Variants in GNG2 observed in about 807,000 individuals in gnomAD.
The protein encoded by GNG2 is G protein subunit gamma 2.
Under a neutral mutation model 5.5 loss-of-function variants are expected in GNG2, and 5 were observed. That is an observed-to-expected ratio of 0.91 (90% CI 0.48 to 1.92). GNG2 has a LOEUF of 1.92. Ranked by LOEUF, GNG2 falls within the 30% of genes most tolerant of loss-of-function variation. The pLI is 0.01. For synonymous variants in GNG2, 28 were observed against 32.0 expected (o/e 0.88, Z 0.42); for missense variants, 55 against 88.4 (o/e 0.62, Z 1.52).
chr14:51,874,919 C>G (rs1380693920), intron 1 of GNG2, among the ~76,000 whole-genome samples: 1 of 152,044 alleles, frequency 6.6e-6, no homozygotes, highest in Non-Finnish European at 1.5e-5. Flanking sequence ...ATTTAATTTT[C>G]TTAACATTAG....
chr14:51,938,857 GT>G (rs1317225474), intron 2 of GNG2, among the ~76,000 whole-genome samples: 1 of 152,224 alleles, frequency 6.6e-6, no homozygotes, highest in Non-Finnish European at 1.5e-5. Flanking sequence ...AACTACAGGG[GT>G]TGCCTGAGGT....
intron 2 of GNG2, among the ~76,000 whole-genome samples, chr14:51,843,008 A>G (rs1881524703): frequency 6.6e-6 from 1 of 151,858 alleles, no homozygotes; most frequent in Non-Finnish European, 1.5e-5. Flanking sequence ...CCTCTGGAGA[A>G]CTCTGCTGTT....
chr14:51,911,101 AG>A (rs2140201989), intron 2 of GNG2, among the ~76,000 whole-genome samples: 1 of 152,134 alleles, frequency 6.6e-6, no homozygotes, highest in East Asian at 1.9e-4. Flanking sequence ...GGCGGGTGAG[AG>A]GGGAGTGTGG....
chr14:51,853,128 TTCTGG>T (rs1250858024), intron 2 of GNG2, among the ~76,000 whole-genome samples: 1 of 152,232 alleles, frequency 6.6e-6, no homozygotes, highest in African/African-American at 2.4e-5. Flanking sequence ...TTATAAAATG[TTCTGG>T]TATTTTCAAA....
upstream of GNG2, among the ~76,000 whole-genome samples, chr14:51,857,318 G>A (rs1437855143): frequency 6.6e-6 from 1 of 152,214 alleles, no homozygotes; most frequent in Admixed American, 6.5e-5. Context: ...GAAATAGCAT[G>A]TGCCAAGATG....
intron 3 of GNG2, among the ~76,000 whole-genome samples, chr14:51,964,002 G>A (rs975807726): frequency 6.6e-6 from 1 of 152,136 alleles, no homozygotes; most frequent in Non-Finnish European, 1.5e-5. Flanking sequence ...GGCCTTACTT[G>A]GAAATAGGGT....
At chr14:51,879,826 A>G (rs1478388685) in intron 2 of GNG2, among the ~76,000 whole-genome samples, 1 of 152,178 alleles carries the variant, frequency 6.6e-6, no homozygotes, top group African/African-American at 2.4e-5. Flanking sequence ...ATTTAATCAC[A>G]TCTTTGAAGT....
chr14:51,877,272 T>G (rs1883740688), intron 1 of GNG2, among the ~76,000 whole-genome samples: 1 of 152,184 alleles, frequency 6.6e-6, no homozygotes, highest in Non-Finnish European at 1.5e-5. Flanking sequence ...GAGGAAAGAT[T>G]GTTCTTATTC....
At chr14:51,934,725 T>C (rs1403078631) in intron 2 of GNG2, among the ~76,000 whole-genome samples, 1 of 152,162 alleles carries the variant, frequency 6.6e-6, no homozygotes, top group Non-Finnish European at 1.5e-5. Flanking sequence ...GTCAGTTCAT[T>C]AAGCATCTTC....
chr14:51,859,613 T>C (rs2140098495), upstream of GNG2, among the ~76,000 whole-genome samples: 1 of 152,370 alleles, frequency 6.6e-6, no homozygotes, highest in Middle Eastern at 3.4e-3. Context: ...ATCAACTATG[T>C]TTTGCAGATG....
At chr14:51,850,860 C>G (rs921541996) in intron 2 of GNG2, among the ~76,000 whole-genome samples, 2 of 152,112 alleles carry the variant, frequency 1.3e-5, no homozygotes, top group African/African-American at 4.8e-5. Context: ...AGAGTGAGAG[C>G]TCACTTATCA....
intron 2 of GNG2, among the ~76,000 whole-genome samples, chr14:51,908,710 C>G (rs1193470020): frequency 1.3e-5 from 2 of 149,760 alleles, no homozygotes; most frequent in African/African-American, 4.9e-5. Context: ...GCTAGGATTA[C>G]AGGCGTGCGC....
At chr14:51,939,851 G>T (rs1888213738) in intron 2 of GNG2, 1 of 152,196 alleles carries the variant, frequency 6.6e-6, no homozygotes, top group African/African-American at 2.4e-5. Context: ...GATCAGTCTG[G>T]TGCCTCTGAA....
At chr14:51,846,314 T>G (rs1482891100) in intron 2 of GNG2, among the ~76,000 whole-genome samples, 1 of 152,218 alleles carries the variant, frequency 6.6e-6, no homozygotes, top group Non-Finnish European at 1.5e-5. Context: ...ATCATACATA[T>G]TACTAAAGAT....
intron 2 of GNG2, among the ~76,000 whole-genome samples, chr14:51,882,318 G>T (rs1014458493): frequency 6.6e-6 from 1 of 152,026 alleles, no homozygotes. Context: ...ACTTCAAGAG[G>T]AAAAAAGAAA....
At position 51,930,205 on chromosome 14, in the gene GNG2, A is replaced by C. The variant is rs1887575389; in HGVS notation, c.-29-20445A>C. On this transcript the variant is annotated intron_variant, in intron 2 of 3. Coordinates refer to ENST00000556766, the MANE Select transcript of GNG2 (RefSeq NM_053064.5). ...TGTGCAAATATAGTCTGAACATGCT[A>C]ATTTCTCTTAGTAGCATCAGCTTTG... is the stretch of plus-strand genomic sequence containing the variant. 2.0e-5 allele frequency among the ~76,000 whole-genome samples: 3 copies of C among 152,174 alleles called. No homozygotes were observed. In the South Asian group the frequency reaches 6.2e-4, roughly 32 times the overall value.
At chr14:51,864,858 T>TACAACAAGTTTCTGAG (rs1203491713) in intron 1 of GNG2, among the ~76,000 whole-genome samples, 1 of 152,180 alleles carries the variant, frequency 6.6e-6, no homozygotes, top group Non-Finnish European at 1.5e-5. Context: ...AGTTAAACAA[T>TACAACAAGTTTCTGAG]ACAACAAGTT....
At chr14:51,842,666 ATTT>A (rs35183845) in intron 2 of GNG2, among the ~76,000 whole-genome samples, 1 of 143,506 alleles carries the variant, frequency 7.0e-6, no homozygotes. Context: ...ATTTGCCAGA[ATTT>A]TTTTTTTTTT....
chr14:51,849,245 A>G (rs1953867), intron 2 of GNG2, among the ~76,000 whole-genome samples: 108,140 of 152,086 alleles, frequency 0.71, 40,734 homozygotes, highest in East Asian at 0.97. Flanking sequence ...CCACAGGGCA[A>G]CTTGAGTGAC....
Sources: allele counts gnomAD v4.1 joint callset (sites outside exome capture counted in the v4.1 genomes callset), GRCh38; gene constraint gnomAD v4.1.1; transcripts MANE v1.5; gene names NCBI Gene and HGNC (gene_info 2026-07-23, HGNC 2026-07-21).